The following ATP9B variants were observed in gnomAD, a reference collection of about 807,000 sequenced individuals.
The protein encoded by ATP9B is probable phospholipid-transporting ATPase IIB.
A neutral mutation model predicts 146.1 loss-of-function variants in ATP9B; 110 were observed. That is an observed-to-expected ratio of 0.75 (90% CI 0.65 to 0.88). ATP9B has a LOEUF of 0.88. ATP9B is among the 40% of genes least tolerant of loss of function. The probability of loss-of-function intolerance (pLI) is 0.00; values close to 1 mark genes in which losing one functional copy is unlikely to be tolerated. For missense variants in ATP9B, 1,499 were observed against 1,496.4 expected, an observed-to-expected ratio of 1.00 and a Z score of -0.03; for synonymous variants, 604 against 569.7, an observed-to-expected ratio of 1.06 and a Z score of -0.86.
chr18:79,144,805 T>C (rs1258803991), intron 6 of ATP9B: 1 of 152,534 alleles, frequency 6.6e-6, no homozygotes, highest in Non-Finnish European at 1.5e-5. Flanking sequence ...ATGGAACCCG[T>C]GGATACAGAG....
intron 16 of ATP9B, among the ~76,000 whole-genome samples, chr18:79,329,703 C>G (rs905201205): frequency 2.6e-5 from 4 of 152,138 alleles, no homozygotes; most frequent in African/African-American, 9.7e-5. Flanking sequence ...TGGAAGTTGA[C>G]TAAACAATGA....
At chr18:79,092,854 G>A (rs1307949160) in intron 1 of ATP9B, among the ~76,000 whole-genome samples, 1 of 151,564 alleles carries the variant, frequency 6.6e-6, no homozygotes, top group African/African-American at 2.4e-5. Context: ...TTTACAGTTA[G>A]CTTTTTAAAA....
At chr18:79,335,846 T>C (rs1054900040) in intron 17 of ATP9B, among the ~76,000 whole-genome samples, 4 of 152,194 alleles carry the variant, frequency 2.6e-5, no homozygotes, top group African/African-American at 4.8e-5. Flanking sequence ...AGGAAACAAG[T>C]ACAGAAAAAT....
At chr18:79,201,384 T>C (rs1033089649) in intron 9 of ATP9B, among the ~76,000 whole-genome samples, 1 of 152,202 alleles carries the variant, frequency 6.6e-6, no homozygotes, top group Non-Finnish European at 1.5e-5. Flanking sequence ...CCACTTATCT[T>C]CCTTTTTTAT....
chr18:79,186,367 G>T (rs535284038), intron 8 of ATP9B, among the ~76,000 whole-genome samples: 2 of 152,030 alleles, frequency 1.3e-5, no homozygotes, highest in African/African-American at 4.8e-5. Context: ...TTAAATTATC[G>T]TGAAAAGCTT....
At chr18:79,128,491 A>G (rs1230055410) in intron 5 of ATP9B, among the ~76,000 whole-genome samples, 1 of 152,218 alleles carries the variant, frequency 6.6e-6, no homozygotes, top group African/African-American at 2.4e-5. Context: ...CATGGAGTTG[A>G]AAAATTATTA....
intron 1 of ATP9B, among the ~76,000 whole-genome samples, chr18:79,091,051 G>C (rs2074278935): frequency 6.6e-6 from 1 of 152,054 alleles, no homozygotes; most frequent in Admixed American, 6.6e-5. Context: ...CTTTTCCCCA[G>C]TATATGTTCT....
intron 15 of ATP9B, among the ~76,000 whole-genome samples, chr18:79,321,542 C>T (rs2146901085): frequency 6.6e-6 from 1 of 152,084 alleles, no homozygotes; most frequent in Admixed American, 6.5e-5. Context: ...GCCCACCACT[C>T]CTGGCTATGT....
At chr18:79,329,413 C>A in intron 16 of ATP9B, 111 bp downstream of exon 16, 1 of 1,221,446 alleles carries the variant, frequency 8.2e-7, no homozygotes, top group Admixed American at 2.8e-5. Context: ...GTGCTTTATG[C>A]TGTTACAGTT....
rs759880393 is a variant in ATP9B at position 79,213,952 on chromosome 18, G to A, written c.1031-10G>A. On this transcript the variant is annotated splice_polypyrimidine_tract_variant and intron_variant, in intron 10 of 29. Coordinates refer to ENST00000426216, the MANE Select transcript of ATP9B (RefSeq NM_198531.5). ...GTATTTCTACAAGGACCACTTTCAT[G>A]TTTTTGCAGGTACTGTAATAGGTGT... is the stretch of plus-strand genomic sequence containing the variant. 1.9e-6 allele frequency: 3 copies of A among 1,585,420 alleles called. No homozygotes were observed. The highest frequency in any genetic ancestry group is 1.2e-5 in the South Asian group (1 of 85,216).
chr18:79,224,172 G>A (rs1312250661), intron 11 of ATP9B, among the ~76,000 whole-genome samples: 1 of 152,172 alleles, frequency 6.6e-6, no homozygotes, highest in African/African-American at 2.4e-5. Flanking sequence ...ATTTATTCAA[G>A]AAGCAAGTAT....
At chr18:79,304,453 C>G (rs531737405) in intron 14 of ATP9B, among the ~76,000 whole-genome samples, 6 of 152,202 alleles carry the variant, frequency 3.9e-5, no homozygotes, top group Non-Finnish European at 7.3e-5. Context: ...TTGAACACCT[C>G]TAATCGCTTA....
intron 21 of ATP9B, 114 bp from the exon 22 acceptor site, chr18:79,345,314 G>A: frequency 8.2e-7 from 1 of 1,213,892 alleles, no homozygotes; most frequent in Non-Finnish European, 1.2e-6. Flanking sequence ...TGAAAAGATT[G>A]AGAACTGTGG....
chr18:79,176,747 C>G, intron 7 of ATP9B, 66 bp from the exon 8 acceptor site: 2 of 1,330,312 alleles, frequency 1.5e-6, no homozygotes, highest in Non-Finnish European at 2.2e-6. Flanking sequence ...TTGATGGCAC[C>G]TGTAGCTCAG....
intron 29 of ATP9B, among the ~76,000 whole-genome samples, chr18:79,376,732 G>A (rs1324075082): frequency 8.0e-6 from 1 of 124,402 alleles, no homozygotes; most frequent in Non-Finnish European, 1.6e-5. Context: ...GTCTCACTCT[G>A]TCCCCAGGCT....
chr18:79,168,588 C>A (rs570451405), intron 7 of ATP9B, among the ~76,000 whole-genome samples: 33 of 152,120 alleles, frequency 2.2e-4, no homozygotes, highest in Non-Finnish European at 3.7e-4. Flanking sequence ...TTCCTTCTGT[C>A]TCACAGGACA....
chr18:79,175,888 A>C (rs73486166), intron 7 of ATP9B, among the ~76,000 whole-genome samples: 5 of 152,230 alleles, frequency 3.3e-5, no homozygotes, highest in Non-Finnish European at 5.9e-5. Context: ...ACACAGATGA[A>C]CATGCATGTA....
At chr18:79,348,824 A>C (rs1196668000) in intron 25 of ATP9B, among the ~76,000 whole-genome samples, 2 of 152,252 alleles carry the variant, frequency 1.3e-5, no homozygotes, top group East Asian at 3.8e-4. Flanking sequence ...TCTACTAAAA[A>C]TACAAAAAAA....
intron 17 of ATP9B, 21 bp from the exon 18 acceptor site, chr18:79,336,607 A>T (rs757227441): frequency 4.7e-5 from 76 of 1,612,124 alleles, no homozygotes; most frequent in Non-Finnish European, 6.2e-5. Context: ...CCCACCTGTG[A>T]CTCGGCCTCT....
Sources: gnomAD v4.1 joint callset for allele counts (sites outside exome capture counted in the v4.1 genomes callset) on GRCh38, gnomAD v4.1.1 for gene constraint, MANE v1.5 for transcripts, NCBI Gene and HGNC (gene_info 2026-07-23, HGNC 2026-07-21) for gene names.